Variants in TMCC1 observed in about 807,000 individuals in gnomAD.
TMCC1 encodes transmembrane and coiled-coil domains protein 1.
In TMCC1, 15 loss-of-function variants were observed where a neutral mutation model predicts 52.4. That is an observed-to-expected ratio of 0.29 (90% confidence interval 0.19 to 0.44). The LOEUF (loss-of-function observed/expected upper bound fraction) is 0.44, where lower values mean the gene tolerates loss of function less well. TMCC1 is among the 20% of genes least tolerant of loss of function. The probability of loss-of-function intolerance (pLI) is 1.00; values close to 1 mark genes in which losing one functional copy is unlikely to be tolerated. For missense variants in TMCC1, 503 were observed against 806.0 expected, an observed-to-expected ratio of 0.62 and a Z score of 4.55; for synonymous variants, 279 against 301.9, an observed-to-expected ratio of 0.92 and a Z score of 0.79.
intron 4 of TMCC1, among the ~76,000 whole-genome samples, chr3:129,750,222 C>G (rs1265683456): frequency 1.3e-5 from 2 of 152,026 alleles, no homozygotes; most frequent in Non-Finnish European, 2.9e-5. Context: ...CAAAGTTTTG[C>G]TCTTGTTGCC....
In TMCC1 at chr3:129,651,835, C is replaced by T. The variant is rs2086346325; in HGVS notation, c.1648-40G>A. 6.3e-7 allele frequency: 1 copy of T among 1,577,788 alleles called. No individual in the cohort carries two copies. The highest frequency in any genetic ancestry group is 1.3e-5 in the African/African-American group (1 of 74,124). On this transcript the variant is annotated intron_variant, in intron 6 of 6. Transcript: ENST00000393238. This position sits in a 1 kb window ranked among gnomAD's most constrained non-coding sequence, Gnocchi z 5.1. ...AGGGAAGAGTTAAGCCTTCTGCTCA[C>T]AAGTATTCTGAGATGCTGACATGCC...
At chr3:129,846,790 A>G (rs1267508748) in intron 2 of TMCC1, among the ~76,000 whole-genome samples, 1 of 140,306 alleles carries the variant, frequency 7.1e-6, no homozygotes, top group African/African-American at 2.6e-5. Context: ...GCACTTTGGG[A>G]TGCTGAGGCA....
chr3:129,670,269 A>G (rs768855862), intron 5 of TMCC1, 61 bp downstream of exon 5: 2 of 1,515,864 alleles, frequency 1.3e-6, no homozygotes, highest in Non-Finnish European at 1.8e-6. Context: ...CCATTTCCCC[A>G]TATCTAAAGG....
At chr3:129,844,942 A>G (rs1228949177) in intron 2 of TMCC1, among the ~76,000 whole-genome samples, 1 of 152,168 alleles carries the variant, frequency 6.6e-6, no homozygotes, top group Non-Finnish European at 1.5e-5. Context: ...CTAGAGGACA[A>G]TCTGTCTGAA....
At chr3:129,715,924 A>AT (rs2049046162) in intron 4 of TMCC1, among the ~76,000 whole-genome samples, 1 of 151,868 alleles carries the variant, frequency 6.6e-6, no homozygotes, top group South Asian at 2.1e-4. Flanking sequence ...TTTTTAAATT[A>AT]TTTTTTCTCT....
At chr3:129,781,160 G>A (rs966010043) in intron 4 of TMCC1, among the ~76,000 whole-genome samples, 5 of 152,268 alleles carry the variant, frequency 3.3e-5, no homozygotes, top group Admixed American at 3.3e-4. Flanking sequence ...ATCTAAACCA[G>A]TCTAAAATCT....
chr3:129,696,453 T>C (rs2047422583), intron 4 of TMCC1, among the ~76,000 whole-genome samples: 1 of 152,232 alleles, frequency 6.6e-6, no homozygotes. Flanking sequence ...CCCAACTATC[T>C]TGGGCACATG....
chr3:129,669,903 G>A, intron 5 of TMCC1, among the ~76,000 whole-genome samples: 1 of 152,130 alleles, frequency 6.6e-6, no homozygotes. Context: ...ATTTGGATTT[G>A]TTTGCAGTCT....
Position 129,734,317 on chromosome 3 carries a change from T to C in TMCC1, c.577-63053A>G, listed in dbSNP as rs79945771. Reference sequence around the variant, plus strand: ...GAAAAGAGTAAAGAAATTTTGCGTATACAGACTTGCATAACATGTAGAAGA... The same window carrying C: ...GAAAAGAGTAAAGAAATTTTGCGTACACAGACTTGCATAACATGTAGAAGA... On this transcript the variant is annotated intron_variant, in intron 4 of 6. Coordinates refer to ENST00000393238, the MANE Select transcript of TMCC1 (RefSeq NM_001017395.5). Among the ~76,000 whole-genome samples, 21 of 152,340 alleles carry C rather than the reference T, an allele frequency of 1.4e-4. No individual in the cohort carries two copies. In the East Asian group the frequency reaches 3.5e-3, roughly 25 times the overall value.
At chr3:129,855,224 A>C (rs1191514131) in intron 2 of TMCC1, among the ~76,000 whole-genome samples, 2 of 152,254 alleles carry the variant, frequency 1.3e-5, no homozygotes, top group African/African-American at 2.4e-5. Context: ...TGAATAAAAT[A>C]AAGCAATCTA....
intron 4 of TMCC1, among the ~76,000 whole-genome samples, chr3:129,718,792 CTGTAT>C (rs2049312311): frequency 6.6e-6 from 1 of 152,030 alleles, no homozygotes; most frequent in Non-Finnish European, 1.5e-5. Context: ...CTCTAGCTTA[CTGTAT>C]TGTAAGAATA....
At chr3:129,731,842 C>A (rs1347740841) in intron 4 of TMCC1, among the ~76,000 whole-genome samples, 1 of 151,828 alleles carries the variant, frequency 6.6e-6, no homozygotes, top group Non-Finnish European at 1.5e-5. Context: ...CCAGGCTGGT[C>A]TTGAACTCCT....
intron 4 of TMCC1, among the ~76,000 whole-genome samples, chr3:129,824,399 C>T (rs1456996547): frequency 2.6e-5 from 4 of 152,166 alleles, no homozygotes; most frequent in Non-Finnish European, 4.4e-5. Context: ...TGATATTACA[C>T]TTTGCATAAC....
At chr3:129,850,669 C>A (rs2059877108) in intron 2 of TMCC1, among the ~76,000 whole-genome samples, 1 of 152,148 alleles carries the variant, frequency 6.6e-6, no homozygotes, top group African/African-American at 2.4e-5. Flanking sequence ...CACACACACA[C>A]AGAAATAGAG....
chr3:129,855,547 T>C (rs1577101366), intron 2 of TMCC1, among the ~76,000 whole-genome samples: 1 of 151,272 alleles, frequency 6.6e-6, no homozygotes, highest in Non-Finnish European at 1.5e-5. Context: ...AATGTTTGGA[T>C]GAAAAACTCT....
chr3:129,849,716 A>C (rs1220869959), intron 2 of TMCC1, among the ~76,000 whole-genome samples: 1 of 151,742 alleles, frequency 6.6e-6, no homozygotes, highest in Non-Finnish European at 1.5e-5. Context: ...CAGTGAGCCA[A>C]GATCACACCA....
chr3:129,802,122 T>G (rs986028815), intron 4 of TMCC1, among the ~76,000 whole-genome samples: 1 of 152,196 alleles, frequency 6.6e-6, no homozygotes, highest in African/African-American at 2.4e-5. Context: ...AGTCTTGTCT[T>G]GGGATTAATA....
chr3:129,702,354 T>G (rs2047902177), intron 4 of TMCC1, among the ~76,000 whole-genome samples: 1 of 152,102 alleles, frequency 6.6e-6, no homozygotes. Flanking sequence ...ACCAGTTGAT[T>G]TAAGTTTTAT....
chr3:129,839,244 C>T (rs774132276), intron 2 of TMCC1, among the ~76,000 whole-genome samples: 48 of 151,966 alleles, frequency 3.2e-4, no homozygotes, highest in African/African-American at 8.5e-4. Flanking sequence ...AAAAGTAAAA[C>T]GCTTAACAAC....
Sources: allele counts gnomAD v4.1 joint callset (sites outside exome capture counted in the v4.1 genomes callset), GRCh38; gene constraint gnomAD v4.1.1; non-coding constraint Gnocchi (gnomAD v3.1); transcripts MANE v1.5; gene names NCBI Gene and HGNC (gene_info 2026-07-23, HGNC 2026-07-21).